Variants in NRP1 observed in about 807,000 individuals in gnomAD.
NRP1 encodes the protein neuropilin-1.
NRP1 carries 35 observed loss-of-function variants against 106.7 expected under a neutral mutation model. The observed-to-expected ratio is 0.33, with a 90% confidence interval of 0.25 to 0.43. The LOEUF (loss-of-function observed/expected upper bound fraction) is 0.43. Among genes scored for constraint, NRP1 ranks in the 20% least tolerant of loss-of-function variants. The pLI, the probability that NRP1 is intolerant of heterozygous loss-of-function variation, is 1.00. For synonymous variants in NRP1, 437 were observed against 417.9 expected (o/e 1.05, Z -0.56); for missense variants, 1,024 against 1,170.4 (o/e 0.87, Z 1.83).
Position 33,187,098 on chromosome 10 carries a change from C to A in NRP1, c.2063-610G>T, listed in dbSNP as rs560014722. 9.2e-5 allele frequency among the ~76,000 whole-genome samples: 14 copies of A among 152,216 alleles called. No individual in the cohort carries two copies. In the East Asian group the frequency reaches 2.5e-3, roughly 27 times the overall value. On this transcript the variant is annotated intron_variant, in intron 13 of 16. Coordinates refer to ENST00000374867, the MANE Select transcript of NRP1 (RefSeq NM_003873.7). The stretch of plus-strand genomic sequence containing the variant: ...ATGTTGCCCAGGCTAGTCTCAAACT[C>A]CTGGCCTCAAGCAATCCTCCCACCT...
intron 12 of NRP1, among the ~76,000 whole-genome samples, chr10:33,193,742 A>T (rs894390225): frequency 4.6e-5 from 7 of 152,172 alleles, no homozygotes; most frequent in Non-Finnish European, 2.9e-5. Context: ...CCTTGTCTCC[A>T]TGGCCCCTCC....
Position 33,226,292 on chromosome 10 carries a change from G to T in NRP1, c.982-3C>A. 1 of 1,614,032 alleles carries T rather than the reference G, an allele frequency of 6.2e-7. No homozygotes were observed. Among genetic ancestry groups the T allele is most frequent in the Non-Finnish European group, 8.5e-7 (1 of 1,179,972 alleles). ...AAGCGCAGAAGGCCCAAGTCTACCTGCAAGACAAGTACAAGCGTGGTCAGT... is the reference window on the plus strand; with the variant it reads ...AAGCGCAGAAGGCCCAAGTCTACCTTCAAGACAAGTACAAGCGTGGTCAGT... On this transcript the variant is annotated splice_region_variant and splice_polypyrimidine_tract_variant and intron_variant, in intron 6 of 16. Transcript: ENST00000374867.
intron 8 of NRP1, among the ~76,000 whole-genome samples, chr10:33,215,913 G>C (rs977123244): frequency 6.6e-6 from 1 of 152,190 alleles, no homozygotes; most frequent in Non-Finnish European, 1.5e-5. Context: ...CAATTGGCAT[G>C]AAGAACTTCC....
chr10:33,205,796 C>T (rs1360711333), intron 10 of NRP1: 1 of 162,772 alleles, frequency 6.1e-6, no homozygotes, highest in Non-Finnish European at 1.3e-5. Context: ...CAGAGTCTTG[C>T]AGCCTCCAGC....
At chr10:33,231,829 T>G (rs1490120548) in intron 6 of NRP1, among the ~76,000 whole-genome samples, 1 of 151,886 alleles carries the variant, frequency 6.6e-6, no homozygotes, top group Non-Finnish European at 1.5e-5. Context: ...AGCTTGTGAG[T>G]GGACACAAAG....
chr10:33,230,053 A>T (rs557013700), intron 6 of NRP1, among the ~76,000 whole-genome samples: 1 of 151,744 alleles, frequency 6.6e-6, no homozygotes, highest in Non-Finnish European at 1.5e-5. Context: ...AAAACCGGAT[A>T]GTACCCAGAA....
At chr10:33,296,451 C>G (rs1339841176) in intron 2 of NRP1, among the ~76,000 whole-genome samples, 2 of 152,194 alleles carry the variant, frequency 1.3e-5, no homozygotes, top group African/African-American at 4.8e-5. Flanking sequence ...CAGAACAGAC[C>G]TATTCTTTGA....
intron 6 of NRP1, among the ~76,000 whole-genome samples, chr10:33,246,235 TAA>T (rs374407709): frequency 1.4e-5 from 2 of 144,708 alleles, no homozygotes; most frequent in Admixed American, 6.9e-5. Context: ...ATACCCTCCT[TAA>T]AAAAAAAAAC....
intron 11 of NRP1, chr10:33,202,552 T>A (rs11009286): frequency 2.3e-6 from 3 of 1,276,784 alleles, no homozygotes; most frequent in Non-Finnish European, 3.1e-6. Flanking sequence ...TACGTAGGGG[T>A]GGTGCACGTG....
chr10:33,332,782 T>C (rs937900656), intron 1 of NRP1, among the ~76,000 whole-genome samples: 6 of 152,196 alleles, frequency 3.9e-5, no homozygotes, highest in Middle Eastern at 3.2e-3. Context: ...CTGGCTCTGG[T>C]CACTTCAAGC....
intron 3 of NRP1, among the ~76,000 whole-genome samples, chr10:33,266,813 T>A (rs747715269): frequency 6.6e-6 from 1 of 152,198 alleles, no homozygotes; most frequent in Admixed American, 6.5e-5. Context: ...TCATGAGAAC[T>A]GGTTGTTTAA....
chr10:33,314,021 T>C (rs7475391), intron 2 of NRP1, among the ~76,000 whole-genome samples: 8 of 142,490 alleles, frequency 5.6e-5, no homozygotes, highest in South Asian at 2.3e-4. Context: ...TCCTTCCTTC[T>C]CTCTCTCTCT....
rs569358453 is a variant in NRP1 at position 33,237,840 on chromosome 10, C to A, written c.982-11551G>T. Among the ~76,000 whole-genome samples the A allele has an allele frequency of 2.4e-4, 37 of 152,172 alleles. No homozygotes were observed. In the South Asian group the frequency reaches 5.2e-3, roughly 21 times the overall value. ...CCGCTGGGATTACAAGTGTGAGCCA[C>A]CAGGCCCGGCCCGATGAATATTTTC... On this transcript the variant is annotated intron_variant, in intron 6 of 16. Coordinates refer to ENST00000374867, the MANE Select transcript of NRP1 (RefSeq NM_003873.7).
At position 33,186,475 on chromosome 10, in the gene NRP1, G is replaced by A; in HGVS notation, c.2076C>T (p.Phe692=). The change falls in exon 14 of 17, where the codon TTC becomes TTT. Residue 692 remains phenylalanine, a synonymous_variant. Coordinates refer to ENST00000374867, the MANE Select transcript of NRP1 (RefSeq NM_003873.7). ...PIQDHTGDGN[F]IYSQADENQK... ...GATTTTCGTCAGCTTGGGAATAGAT[G>A]AAGTTGCCATCTCCTGCTGTGACAA... is the stretch of plus-strand genomic sequence containing the variant. The A allele has an allele frequency of 6.2e-7, 1 of 1,611,466 alleles. No homozygotes were observed. The highest frequency in any genetic ancestry group is 1.1e-5 in the South Asian group (1 of 90,810).
Position 33,213,470 on chromosome 10 carries a change from C to T in NRP1, c.1530G>A (p.Val510=), listed in dbSNP as rs139661914. 2.2e-5 allele frequency: 36 copies of T among 1,614,014 alleles called. No homozygotes were observed. In the African/African-American group the frequency reaches 3.9e-4, roughly 17 times the overall value. ...ACCCGATCTTGAACTTCCTCATGAA[C>T]ACCTTGTTCTCTCGGTGCTTCCCAC... ...IQGGKHRENK[V]FMRKFKIGYS... Residue 510 remains valine, a synonymous_variant, in exon 9 of 17, where the codon GTG becomes GTA. Transcript: ENST00000374867.
Position 33,192,304 on chromosome 10 carries a change from G to A in NRP1, c.2039C>T (p.Thr680Met), listed in dbSNP as rs779018926. Residue 680 changes from threonine to methionine, a missense_variant, in exon 13 of 17, where the codon ACG (threonine) becomes ATG (methionine). Around this residue, in one of 5 missense-constraint regions of NRP1, gnomAD observed 562 missense variants for 620.3 expected, o/e 0.91. Coordinates refer to ENST00000374867, the MANE Select transcript of NRP1 (RefSeq NM_003873.7). ...QLKWSVLTSKTGPIQDHTGDG... is the reference protein window; with the variant it reads ...QLKWSVLTSKMGPIQDHTGDG... ...ACCTGTGTGATCCTGAATGGGTCCC[G>A]TCTTGCTGGTCAACACACTCCACTT... The A allele has an allele frequency of 1.1e-5, 18 of 1,613,540 alleles. No homozygotes were observed. The highest frequency in any genetic ancestry group is 4.0e-5 in the African/African-American group (3 of 74,854).
At chr10:33,294,656 C>G (rs1433428087) in intron 2 of NRP1, among the ~76,000 whole-genome samples, 2 of 150,876 alleles carry the variant, frequency 1.3e-5, no homozygotes, top group East Asian at 3.9e-4. Flanking sequence ...AATAACTGTG[C>G]TAAGAGAGCC....
chr10:33,207,446 G>A, intron 10 of NRP1, 126 bp downstream of exon 10: 7 of 948,418 alleles, frequency 7.4e-6, no homozygotes, highest in Non-Finnish European at 1.1e-5. Context: ...TGATGGGCAG[G>A]CACCGAGATA....
chr10:33,266,856 C>A (rs995610289), intron 3 of NRP1, among the ~76,000 whole-genome samples: 2 of 152,146 alleles, frequency 1.3e-5, no homozygotes, highest in South Asian at 2.1e-4. Flanking sequence ...CACGGTGAAA[C>A]CCCGTCTCTA....
Sources: gnomAD v4.1 joint callset for allele counts (sites outside exome capture counted in the v4.1 genomes callset) on GRCh38, gnomAD v4.1.1 for gene constraint, gnomAD v4.1.1 regional missense constraint, MANE v1.5 for transcripts, NCBI Gene and HGNC (gene_info 2026-07-23, HGNC 2026-07-21) for gene names.